The following TYK2 variants were observed in gnomAD, a reference collection of about 807,000 sequenced individuals.
The protein encoded by TYK2 is tyrosine kinase 2.
A neutral mutation model predicts 130.9 loss-of-function variants in TYK2; 65 were observed. The ratio of observed to expected loss-of-function variants is 0.50; its 90% CI spans 0.41 to 0.61. The LOEUF (loss-of-function observed/expected upper bound fraction) is 0.61, where lower values mean the gene tolerates loss of function less well. Ranked by LOEUF, TYK2 falls within the 20% of genes least tolerant of loss-of-function variation. The pLI is 0.00. For synonymous variants in TYK2, 647 were observed against 658.9 expected (o/e 0.98, Z 0.28); for missense variants, 1,378 against 1,610.7 (o/e 0.86, Z 2.47).
At position 10,353,886 on chromosome 19, in the gene TYK2, G is replaced by T. The variant is rs72563148; in HGVS notation, c.2908+156C>A. The T allele has an allele frequency of 1.5e-3, 1,263 of 852,306 alleles. 17 individuals are homozygous for T. In the African/African-American group the frequency reaches 0.018, roughly 12 times the overall value. The allele number at this position is 852,306 out of a possible 1,614,324, so 52.8% of individuals were successfully genotyped here. ...GCACCCCCCAGATGGGAAGGAGGCA[G>T]CCCAGCCACGCTCACCCAGATGCCA... On this transcript the variant is annotated intron_variant, in intron 20 of 24. Coordinates refer to ENST00000525621, the MANE Select transcript of TYK2 (RefSeq NM_003331.5). The surrounding 1 kb of genome is among the most constrained non-coding windows in gnomAD (Gnocchi z 6.9).
At chr19:10,356,437 G>A in intron 18 of TYK2, 131 bp downstream of exon 18, 1 of 1,138,632 alleles carries the variant, frequency 8.8e-7, no homozygotes, top group Non-Finnish European at 1.3e-6. Flanking sequence ...GCATGCTTAT[G>A]AATGCCACTG....
Position 10,353,505 on chromosome 19 carries a change from A to G in TYK2, c.3027+23T>C. On this transcript the variant is annotated intron_variant, in intron 21 of 24. Coordinates refer to ENST00000525621, the MANE Select transcript of TYK2 (RefSeq NM_003331.5). This position sits in a 1 kb window ranked among gnomAD's most constrained non-coding sequence, Gnocchi z 6.9. ...CTGAAGAGGAAGGGGCAAGCTCCAGAAGCAGGGGCGGGGCCGACCAACCTC... is the reference window on the plus strand; with the variant it reads ...CTGAAGAGGAAGGGGCAAGCTCCAGGAGCAGGGGCGGGGCCGACCAACCTC... The G allele has an allele frequency of 6.8e-7, 1 of 1,471,848 alleles. No individual in the cohort carries two copies. The highest frequency in any genetic ancestry group is 2.3e-5 in the Admixed American group (1 of 43,066). 91.2% of individuals were successfully genotyped at this position (1,471,848 alleles called of 1,614,324 possible).
intron 19 of TYK2, 42 bp downstream of exon 19, chr19:10,354,470 C>T (rs1387872851): frequency 6.3e-7 from 1 of 1,583,030 alleles, no homozygotes; most frequent in Non-Finnish European, 8.7e-7. Flanking sequence ...AAACTCCTTC[C>T]CGACCAGGCG....
In TYK2 at chr19:10,361,462, G is replaced by A. The variant is rs756121844; in HGVS notation, c.2047+49C>T. On this transcript the variant is annotated intron_variant, in intron 14 of 24. Transcript: ENST00000525621. The surrounding 1 kb of genome is among the most constrained non-coding windows in gnomAD (Gnocchi z 4.0). ...GGTACAGATCAGGGAGTGGGTATAA[G>A]TCAGGGGTGGCCTGCCAAAGGGGGA... is the stretch of plus-strand genomic sequence containing the variant. The A allele has an allele frequency of 6.5e-6, 10 of 1,529,656 alleles. No homozygotes were observed. In the East Asian group the frequency reaches 2.2e-4, roughly 34 times the overall value. The allele number at this position is 1,529,656 out of a possible 1,614,324, so 94.8% of individuals were successfully genotyped here. A position where few individuals can be genotyped will look rare whatever the true frequency, so the allele number is the denominator to read the frequency against.
At chr19:10,356,088 C>T (rs1426959159) in intron 18 of TYK2, among the ~76,000 whole-genome samples, 3 of 146,530 alleles carry the variant, frequency 2.0e-5, no homozygotes, top group African/African-American at 7.6e-5. Flanking sequence ...CCAGACAAAA[C>T]ATTAAGGAGG....
rs376410007 is a variant in TYK2 at position 10,358,186 on chromosome 19, C to T, written c.2176-48G>A. On this transcript the variant is annotated intron_variant, in intron 15 of 24. Transcript: ENST00000525621. ...TGTGGCCACTCAGGAGAGGCACAGA[C>T]GCCAACCCCAAACCTGGTCCCCATA... 2.3e-5 allele frequency: 36 copies of T among 1,560,936 alleles called. No individual in the cohort carries two copies. The Middle Eastern group carries it at 6.2e-4, about 27-fold the overall frequency.
At chr19:10,367,110 G>C (rs1362159769) in intron 5 of TYK2, among the ~76,000 whole-genome samples, 1 of 152,134 alleles carries the variant, frequency 6.6e-6, no homozygotes, top group African/African-American at 2.4e-5. Context: ...TTTGTGTTGG[G>C]CTTCATTCAA....
At chr19:10,351,206 G>A in intron 23 of TYK2, 44 bp from the exon 24 acceptor site, 1 of 1,530,666 alleles carries the variant, frequency 6.5e-7, no homozygotes, top group Non-Finnish European at 9.0e-7. Context: ...GGCAATGAAA[G>A]GCAGGCACGG....
chr19:10,353,155 C>A lies in TYK2; in HGVS notation c.3028-57G>T. The A allele has an allele frequency of 2.1e-6, 3 of 1,397,120 alleles. No homozygotes were observed. The highest frequency in any genetic ancestry group is 2.8e-6 in the Non-Finnish European group (3 of 1,063,732). 86.5% of individuals were successfully genotyped at this position (1,397,120 alleles called of 1,614,324 possible). ...TGGGGCGGGGTTCGGCCGGGGGCGG[C>A]GGCAGGACCTGAGCAGCCAGGAGGG... On this transcript the variant is annotated intron_variant, in intron 21 of 24. Transcript: ENST00000525621. This position sits in a 1 kb window ranked among gnomAD's most constrained non-coding sequence, Gnocchi z 6.9.
At chr19:10,374,414 G>A (rs539603623) in intron 3 of TYK2, among the ~76,000 whole-genome samples, 99 of 149,850 alleles carry the variant, frequency 6.6e-4, no homozygotes, top group South Asian at 3.8e-3. Flanking sequence ...TGAAACCCCC[G>A]TCTCTACTGA....
chr19:10,368,138 G>A lies in TYK2; in HGVS notation c.382C>T (p.Pro128Ser), dbSNP rs1013930418. 1 of 1,613,942 alleles carries A rather than the reference G, an allele frequency of 6.2e-7. No individual in the cohort carries two copies. Among genetic ancestry groups the A allele is most frequent in the Non-Finnish European group, 8.5e-7 (1 of 1,180,032 alleles). ...TGATCTGAGGATGCCTCGGTTCCTG[G>A]GGGCCCACAACGGTACACAGCCGGT... Reference protein sequence around the residue: ...REPAVYRCGPPGTEASSDQTA... With the variant: ...REPAVYRCGPSGTEASSDQTA... The change falls in exon 5 of 25, where the codon CCA becomes TCA. Residue 128 changes from proline (P) to serine (S), a missense_variant. Coordinates refer to ENST00000525621, the MANE Select transcript of TYK2 (RefSeq NM_003331.5).
rs2041113698 is a variant in TYK2 at position 10,356,597 on chromosome 19, A to T, written c.2588T>A (p.Leu863Gln). 1.9e-6 allele frequency: 3 copies of T among 1,613,596 alleles called. No homozygotes were observed. Among genetic ancestry groups the T allele is most frequent in the Non-Finnish European group, 2.5e-6 (3 of 1,180,012 alleles). ...GGGCTGCAGCCGGGTGAGGTCACGC[A>T]GGATGGTGCGGAATGATGGCCTCTG... is the stretch of plus-strand genomic sequence containing the variant. ...PTQRPSFRTI[L>Q]RDLTRLQPHN... The change falls in exon 18 of 25, where the codon CTG becomes CAG. Residue 863 changes from leucine to glutamine, a missense_variant. Leu to Gln is a moderately radical substitution (Grantham distance 113, BLOSUM62 -2). Coordinates refer to ENST00000525621, the MANE Select transcript of TYK2 (RefSeq NM_003331.5).
intron 3 of TYK2, among the ~76,000 whole-genome samples, chr19:10,370,476 T>G (rs907046410): frequency 6.7e-6 from 1 of 148,878 alleles, no homozygotes; most frequent in African/African-American, 2.5e-5. Flanking sequence ...ATTGTGCCAC[T>G]GCACTCCAGC....
chr19:10,372,459 T>C (rs1483423783), intron 3 of TYK2, among the ~76,000 whole-genome samples: 7 of 43,064 alleles, frequency 1.6e-4, no homozygotes, highest in Admixed American at 2.4e-4. Context: ...CACACACAGC[T>C]ATATATATAT....
intron 15 of TYK2, 26 bp downstream of exon 15, chr19:10,359,149 C>T: frequency 6.3e-7 from 1 of 1,598,822 alleles, no homozygotes; most frequent in Non-Finnish European, 8.5e-7. Context: ...CCTGACCGAC[C>T]CAGGCCCCAC....
At chr19:10,375,790 G>A (rs1489643412) in intron 3 of TYK2, among the ~76,000 whole-genome samples, 2 of 151,122 alleles carry the variant, frequency 1.3e-5, no homozygotes, top group African/African-American at 2.4e-5. Flanking sequence ...AGCCGGGCAT[G>A]GTGGCACACA....
At chr19:10,372,885 T>TA (rs1369425553) in intron 3 of TYK2, among the ~76,000 whole-genome samples, 8 of 151,666 alleles carry the variant, frequency 5.3e-5, no homozygotes, top group South Asian at 2.1e-4. Flanking sequence ...ACAATATATA[T>TA]TTTTTTTAGA....
rs561118378 is a variant in TYK2 at position 10,365,869 on chromosome 19, C to A, written c.659G>T (p.Arg220Leu). Residue 220 changes from arginine to leucine, a missense_variant, in exon 7 of 25, where the codon CGC (arginine) becomes CTC (leucine). Physicochemically the swap from Arg to Leu is moderately radical, Grantham distance 102 (BLOSUM62 -2). Transcript: ENST00000525621. Reference protein sequence around the residue: ...SFKDCIPRSFRRHIRQHSALT... With the variant: ...SFKDCIPRSFLRHIRQHSALT... ...GGCGCTGTGCTGCCGGATATGCCGG[C>A]GGAAGGAGCGCGGGATGCAGTCCTT... 7.4e-6 allele frequency: 12 copies of A among 1,611,466 alleles called. No individual in the cohort carries two copies. The highest frequency in any genetic ancestry group is 4.0e-5 in the African/African-American group (3 of 74,916).
rs554711523 is a variant in TYK2, at chr19:10,354,128, C to A, written c.2822G>T (p.Arg941Leu). 1 of 1,614,044 alleles carries A rather than the reference C, an allele frequency of 6.2e-7. No individual in the cohort carries two copies. Among genetic ancestry groups the A allele is most frequent in the African/African-American group, 1.3e-5 (1 of 75,060 alleles). ...GTCAATCTCCTGCTTCCAGCCCGAG[C>A]GGTGCTGGGGGCCGCAGTCTGCCTT... ...ALKADCGPQH[R>L]SGWKQEIDIL... is the part of the protein sequence containing the mutation. Residue 941 changes from arginine (R) to leucine (L), a missense_variant, in exon 20 of 25, where the codon CGC (arginine) becomes CTC (leucine). Physicochemically the swap from Arg to Leu is moderately radical, Grantham distance 102 (BLOSUM62 -2). Coordinates refer to ENST00000525621, the MANE Select transcript of TYK2 (RefSeq NM_003331.5).
Sources: gnomAD v4.1 joint callset for allele counts (sites outside exome capture counted in the v4.1 genomes callset) on GRCh38, gnomAD v4.1.1 for gene constraint, Gnocchi (gnomAD v3.1) non-coding constraint, MANE v1.5 for transcripts, NCBI Gene and HGNC (gene_info 2026-07-23, HGNC 2026-07-21) for gene names.